Variants in KLRG1 observed in about 807,000 individuals in gnomAD.
KLRG1 encodes killer cell lectin like receptor G1.
In KLRG1, 16 loss-of-function variants were observed where a neutral mutation model predicts 21.8. That is an observed-to-expected ratio of 0.73 (90% CI 0.50 to 1.11). The LOEUF is 1.11. Ranked by LOEUF, KLRG1 falls within the 50% of genes most tolerant of loss-of-function variation. The pLI is 0.00. For missense variants in KLRG1, 173 were observed against 218.3 expected, an observed-to-expected ratio of 0.79 and a Z score of 1.31; for synonymous variants, 69 against 75.9, an observed-to-expected ratio of 0.91 and a Z score of 0.47.
At chr12:8,965,912 G>T (rs1424475014) in intron 1 of KLRG1, among the ~76,000 whole-genome samples, 4 of 152,178 alleles carry the variant, frequency 2.6e-5, no homozygotes, top group African/African-American at 9.7e-5. Flanking sequence ...AAAGCTGGAG[G>T]CATCACGCTA....
chr12:9,171,802 A>C, the KLRG1 span, among the ~76,000 whole-genome samples: 1 of 152,248 alleles, frequency 6.6e-6, no homozygotes, highest in African/African-American at 2.4e-5. Flanking sequence ...AGAAAGAATG[A>C]AAAGAAATGA....
At chr12:9,034,184 A>G in the KLRG1 span, among the ~76,000 whole-genome samples, 1 of 152,240 alleles carries the variant, frequency 6.6e-6, no homozygotes, top group Non-Finnish European at 1.5e-5. Context: ...TAGATCACAC[A>G]TATGCCGTAA....
chr12:9,121,266 C>T, the KLRG1 span, among the ~76,000 whole-genome samples: 72,731 of 151,998 alleles, frequency 0.48, 18,340 homozygotes, highest in African/African-American at 0.62. This position sits in a 1 kb window ranked among gnomAD's most constrained non-coding sequence, Gnocchi z 4.4. Flanking sequence ...TCTAATATGC[C>T]TCCATCATTT....
intron 1 of KLRG1, among the ~76,000 whole-genome samples, chr12:8,963,008 T>G (rs1946405995): frequency 6.6e-6 from 1 of 152,178 alleles, no homozygotes; most frequent in Admixed American, 6.5e-5. Context: ...ATTATTAAGC[T>G]GCTGAAAGTC....
the KLRG1 span, among the ~76,000 whole-genome samples, chr12:9,188,523 A>C: frequency 1.3e-5 from 2 of 152,172 alleles, no homozygotes; most frequent in African/African-American, 4.8e-5. Context: ...TCCTCACCAG[A>C]ACAATCGGGC....
chr12:9,200,359 C>T, the KLRG1 span: 15 of 1,579,234 alleles, frequency 9.5e-6, no homozygotes, highest in South Asian at 1.6e-4. Context: ...AACAATGTAA[C>T]TCACTCTCCA....
chr12:8,977,370 ATTT>A (rs1229287155), intron 1 of KLRG1, among the ~76,000 whole-genome samples: 4 of 127,820 alleles, frequency 3.1e-5, no homozygotes, highest in Non-Finnish European at 3.3e-5. Context: ...TGCCTGGCTA[ATTT>A]TTTTTTTTTT....
intron 3 of KLRG1, among the ~76,000 whole-genome samples, chr12:9,000,003 C>G (rs1451745731): frequency 6.6e-6 from 1 of 152,096 alleles, no homozygotes; most frequent in Non-Finnish European, 1.5e-5. Context: ...CCACTGCACT[C>G]CAGCCTGAGA....
the KLRG1 span, chr12:9,169,513 AGT>A: frequency 6.2e-7 from 1 of 1,612,468 alleles, no homozygotes; most frequent in South Asian, 1.1e-5. Flanking sequence ...GGACGGGGAC[AGT>A]GTCCTTGTTC....
the KLRG1 span, chr12:9,074,723 T>A: frequency 3.1e-6 from 5 of 1,613,952 alleles, no homozygotes; most frequent in Non-Finnish European, 4.2e-6. Flanking sequence ...AGCCTGGGGT[T>A]CGTAAAAATG....
intron 1 of KLRG1, among the ~76,000 whole-genome samples, chr12:8,981,530 G>A (rs904120657): frequency 6.6e-6 from 1 of 150,956 alleles, no homozygotes; most frequent in African/African-American, 2.4e-5. Flanking sequence ...CTTCAAAGTG[G>A]GTATTTTAAT....
the KLRG1 span, among the ~76,000 whole-genome samples, chr12:9,018,677 T>C: frequency 3.6e-5 from 5 of 139,476 alleles, no homozygotes; most frequent in East Asian, 1.0e-3. Flanking sequence ...CTCATCTCTA[T>C]TTAAAAAAAA....
the KLRG1 span, chr12:9,203,674 C>T: frequency 7.0e-7 from 1 of 1,433,472 alleles, no homozygotes; most frequent in Admixed American, 1.9e-5. Flanking sequence ...AAAGTCATAC[C>T]TTGGGATCGC....
the KLRG1 span, chr12:9,080,077 AG>A: frequency 6.5e-7 from 1 of 1,542,150 alleles, no homozygotes; most frequent in South Asian, 1.2e-5. Flanking sequence ...CGGATCCACT[AG>A]GGGCTGGAGA....
chr12:9,181,967 T>C, the KLRG1 span: 1 of 1,612,430 alleles, frequency 6.2e-7, no homozygotes, highest in East Asian at 2.2e-5. Context: ...TTATGTTAAA[T>C]CGCTCACCTT....
At chr12:9,073,085 T>C in the KLRG1 span, among the ~76,000 whole-genome samples, 1 of 152,198 alleles carries the variant, frequency 6.6e-6, no homozygotes, top group Admixed American at 6.5e-5. Flanking sequence ...CCTACATGTT[T>C]ATTTTATTTA....
the KLRG1 span, among the ~76,000 whole-genome samples, chr12:9,120,572 A>G: frequency 5.6e-4 from 86 of 152,326 alleles, no homozygotes; most frequent in Non-Finnish European, 1.1e-3. Flanking sequence ...TAATTGTACC[A>G]ATTGTACAGT....
At chr12:9,203,719 C>G in the KLRG1 span, 1 of 1,593,752 alleles carries the variant, frequency 6.3e-7, no homozygotes, top group East Asian at 2.2e-5. Context: ...CTATAGAGCT[C>G]AATAAAATGT....
At chr12:9,174,436 A>C in the KLRG1 span, among the ~76,000 whole-genome samples, 1 of 152,090 alleles carries the variant, frequency 6.6e-6, no homozygotes, top group East Asian at 1.9e-4. Context: ...CTCTCTCACC[A>C]CTCCCATTCA....
Sources: gnomAD v4.1 joint callset for allele counts (sites outside exome capture counted in the v4.1 genomes callset) on GRCh38, gnomAD v4.1.1 for gene constraint, Gnocchi (gnomAD v3.1) non-coding constraint, MANE v1.5 for transcripts, NCBI Gene and HGNC (gene_info 2026-07-23, HGNC 2026-07-21) for gene names.